Variants in AGBL4 observed in about 807,000 individuals in gnomAD.
AGBL4 encodes the protein AGBL carboxypeptidase 4, also known as cytosolic carboxypeptidase 6.
A neutral mutation model predicts 66.4 loss-of-function variants in AGBL4; 58 were observed. The ratio of observed to expected loss-of-function variants is 0.87; its 90% CI spans 0.71 to 1.09. The LOEUF (loss-of-function observed/expected upper bound fraction) is 1.09. Ranked by LOEUF, AGBL4 falls within the 50% of genes least tolerant of loss-of-function variation. The probability of loss-of-function intolerance (pLI) is 0.00; values close to 1 mark genes in which losing one functional copy is unlikely to be tolerated. For synonymous variants in AGBL4, 234 were observed against 222.9 expected, an observed-to-expected ratio of 1.05 and a Z score of -0.44; for missense variants, 579 against 631.0, an observed-to-expected ratio of 0.92 and a Z score of 0.88.
At position 48,887,490 on chromosome 1, in the gene AGBL4, G is replaced by A. The variant is rs988953764; in HGVS notation, c.595-20260C>T. ...TGGAGGCAGTCTACCATGGCCCAGG[G>A]CTGTGTGAGGTATTTTTGTTCCTAG... On this transcript the variant is annotated intron_variant, in intron 5 of 13. Transcript: ENST00000371839. Among the ~76,000 whole-genome samples, 10 of 152,156 alleles carry A rather than the reference G, an allele frequency of 6.6e-5. No individual in the cohort carries two copies. The South Asian group carries it at 8.3e-4, about 13-fold the overall frequency.
At chr1:49,177,646 G>A (rs957321788) in intron 4 of AGBL4, among the ~76,000 whole-genome samples, 1 of 152,052 alleles carries the variant, frequency 6.6e-6, no homozygotes, top group Non-Finnish European at 1.5e-5. Context: ...CATGTCTTCT[G>A]CCTGGATGTG....
chr1:48,863,948 AT>A (rs1456939802), intron 6 of AGBL4, among the ~76,000 whole-genome samples: 1 of 152,144 alleles, frequency 6.6e-6, no homozygotes, highest in East Asian at 1.9e-4. Flanking sequence ...ATTCAACTAC[AT>A]AAAAAAATTT....
intron 3 of AGBL4, among the ~76,000 whole-genome samples, chr1:49,650,798 G>A (rs1645988409): frequency 6.6e-6 from 1 of 152,154 alleles, no homozygotes; most frequent in Admixed American, 6.5e-5. Flanking sequence ...CTGTGAAGCG[G>A]GTGGTACTAG....
chr1:49,918,553 G>T (rs901781105), intron 1 of AGBL4, among the ~76,000 whole-genome samples: 6 of 152,086 alleles, frequency 3.9e-5, no homozygotes, highest in African/African-American at 7.2e-5. Flanking sequence ...TTGAATCCCT[G>T]AATAGACCAA....
At chr1:48,933,414 A>G (rs561218270) in intron 5 of AGBL4, among the ~76,000 whole-genome samples, 1 of 152,332 alleles carries the variant, frequency 6.6e-6, no homozygotes, top group South Asian at 2.1e-4. Flanking sequence ...CCCATATCAT[A>G]TCAAGAAGTC....
chr1:49,573,144 GTC>G lies in AGBL4; in HGVS notation c.282+124167_282+124168del, dbSNP rs1217578568. On this transcript the variant is annotated intron_variant, in intron 3 of 13. Coordinates refer to ENST00000371839, the MANE Select transcript of AGBL4 (RefSeq NM_032785.4). ...TATATATGTGTGTCTGTGTGTGTGT[GTC>G]TGTGTGTGTGTGTGTGTGTGTGTGT... Among the ~76,000 whole-genome samples, 31 of 128,514 alleles carry G rather than the reference GTC, an allele frequency of 2.4e-4. No individual in the cohort carries two copies. The South Asian group carries it at 6.8e-3, about 28-fold the overall frequency. 84.3% of individuals were successfully genotyped at this position (128,514 alleles called of 152,430 possible). A position where few individuals can be genotyped will look rare whatever the true frequency, so the allele number is the denominator to read the frequency against.
chr1:48,806,261 C>T (rs1429073406), intron 6 of AGBL4, among the ~76,000 whole-genome samples: 1 of 152,132 alleles, frequency 6.6e-6, no homozygotes, highest in Non-Finnish European at 1.5e-5. Context: ...TAAGTCAATT[C>T]TCATGTGAAG....
intron 5 of AGBL4, among the ~76,000 whole-genome samples, chr1:48,937,441 G>C (rs1437019976): frequency 6.6e-6 from 1 of 152,024 alleles, no homozygotes; most frequent in Non-Finnish European, 1.5e-5. Flanking sequence ...TTTGTTACTA[G>C]TGTTTTCATT....
At chr1:48,899,666 A>G (rs947590214) in intron 5 of AGBL4, among the ~76,000 whole-genome samples, 2 of 151,534 alleles carry the variant, frequency 1.3e-5, no homozygotes, top group Non-Finnish European at 2.9e-5. Flanking sequence ...GCCTGCTACA[A>G]GTCCTAGATC....
At chr1:49,158,370 A>C (rs1646475502) in intron 4 of AGBL4, among the ~76,000 whole-genome samples, 1 of 152,052 alleles carries the variant, frequency 6.6e-6, no homozygotes, top group Non-Finnish European at 1.5e-5. Flanking sequence ...AGCAAAAAAA[A>C]CTATCATTGA....
At position 49,103,685 on chromosome 1, in the gene AGBL4, A is replaced by C. The variant is rs1481847413; in HGVS notation, c.378-57885T>G. Among the ~76,000 whole-genome samples, 5 of 152,292 alleles carry C rather than the reference A, an allele frequency of 3.3e-5. No homozygotes were observed. The East Asian group carries it at 7.7e-4, about 24-fold the overall frequency. ...CCCTCCAAATCCTTATGGAATAGGT[A>C]ACTGGTACTTGTGTTACTAAGAAGA... On this transcript the variant is annotated intron_variant, in intron 4 of 13. Coordinates refer to ENST00000371839, the MANE Select transcript of AGBL4 (RefSeq NM_032785.4).
At chr1:49,456,740 C>T (rs1282684707) in intron 3 of AGBL4, among the ~76,000 whole-genome samples, 1 of 151,576 alleles carries the variant, frequency 6.6e-6, no homozygotes, top group Non-Finnish European at 1.5e-5. Context: ...ACCCTTTCCT[C>T]TGAGCCCCGA....
chr1:48,981,329 A>G (rs552101461), intron 5 of AGBL4, among the ~76,000 whole-genome samples: 25 of 152,154 alleles, frequency 1.6e-4, no homozygotes, highest in Non-Finnish European at 3.4e-4. Flanking sequence ...TATACTTTAT[A>G]TATGTTCTAA....
chr1:48,873,848 G>A (rs1022436201), intron 5 of AGBL4, among the ~76,000 whole-genome samples: 1 of 152,054 alleles, frequency 6.6e-6, no homozygotes, highest in African/African-American at 2.4e-5. Context: ...GTAGTTACGA[G>A]TCTATGGTTA....
At chr1:49,362,881 T>C (rs1557870914) in intron 3 of AGBL4, among the ~76,000 whole-genome samples, 1 of 152,148 alleles carries the variant, frequency 6.6e-6, no homozygotes, top group Non-Finnish European at 1.5e-5. Flanking sequence ...TCAACATTAA[T>C]TGTAGGATAA....
chr1:49,665,250 C>T (rs1456283830), intron 3 of AGBL4, among the ~76,000 whole-genome samples: 2 of 152,114 alleles, frequency 1.3e-5, no homozygotes, highest in Admixed American at 6.6e-5. Flanking sequence ...TACAGTGAAG[C>T]AAGACTAAAG....
intron 3 of AGBL4, among the ~76,000 whole-genome samples, chr1:49,329,804 C>T (rs748717481): frequency 1.2e-4 from 19 of 152,200 alleles, no homozygotes; most frequent in Admixed American, 3.3e-4. Flanking sequence ...TGTCATTAAC[C>T]GTGGAAATAT....
intron 4 of AGBL4, among the ~76,000 whole-genome samples, chr1:49,243,020 T>TAC (rs951964074): frequency 2.1e-5 from 3 of 146,276 alleles, no homozygotes; most frequent in African/African-American, 7.6e-5. Context: ...CCAATTTTTA[T>TAC]ACATATATAT....
intron 1 of AGBL4, among the ~76,000 whole-genome samples, chr1:49,950,037 TATATAC>T (rs1180678927): frequency 2.8e-5 from 4 of 144,430 alleles, no homozygotes; most frequent in African/African-American, 1.0e-4. Flanking sequence ...TGTGTGTATA[TATATAC>T]ACATATGTGT....
Sources: allele counts gnomAD v4.1 joint callset (sites outside exome capture counted in the v4.1 genomes callset), GRCh38; gene constraint gnomAD v4.1.1; transcripts MANE v1.5; gene names NCBI Gene and HGNC (gene_info 2026-07-23, HGNC 2026-07-21).